The following SUPT7L variants were observed in gnomAD, a reference collection of about 807,000 sequenced individuals.
SUPT7L encodes STAGA complex 65 subunit gamma.
In SUPT7L, 15 loss-of-function variants were observed where a neutral mutation model predicts 35.7. The observed-to-expected ratio is 0.42, with a 90% CI of 0.28 to 0.65. SUPT7L has a LOEUF of 0.65. Ranked by LOEUF, SUPT7L falls within the 30% of genes least tolerant of loss-of-function variation. SUPT7L has a pLI of 0.23. For synonymous variants in SUPT7L, 168 were observed against 186.2 expected, an observed-to-expected ratio of 0.90 and a Z score of 0.79; for missense variants, 434 against 522.2, an observed-to-expected ratio of 0.83 and a Z score of 1.65.
chr2:27,649,097 T>C (rs1025864259), downstream of SUPT7L, among the ~76,000 whole-genome samples: 2 of 151,776 alleles, frequency 1.3e-5, no homozygotes, highest in Non-Finnish European at 2.9e-5. Context: ...TACAAAAAAT[T>C]AGCTGGGCTT....
chr2:27,657,528 A>G lies in SUPT7L; in HGVS notation c.561T>C (p.His187=), dbSNP rs1333022242. The change falls in exon 4 of 6, where the codon CAT becomes CAC. Residue 187 remains histidine (H), a synonymous_variant. Transcript: ENST00000337768. This position sits in a 1 kb window ranked among gnomAD's most constrained non-coding sequence, Gnocchi z 5.2. ...SVLETLTDVA[H]EYCLKFTKLL... is the part of the protein sequence containing the mutation. The stretch of plus-strand genomic sequence containing the variant: ...ACTTGGTAAACTTAAGGCAATACTC[A>G]TGTGCCACATCAGTTAGGGTCTCCA... The G allele has an allele frequency of 2.5e-6, 4 of 1,613,160 alleles. No homozygotes were observed. In the Admixed American group the frequency reaches 6.7e-5, roughly 27 times the overall value.
downstream of SUPT7L, among the ~76,000 whole-genome samples, chr2:27,645,811 C>T (rs1179567651): frequency 5.3e-5 from 8 of 152,042 alleles, no homozygotes; most frequent in Admixed American, 5.2e-4. Flanking sequence ...CTCACTGCAG[C>T]CTCTGCCTCC....
intron 1 of SUPT7L, among the ~76,000 whole-genome samples, chr2:27,662,685 G>T (rs545949194): frequency 2.0e-5 from 3 of 152,200 alleles, no homozygotes; most frequent in Admixed American, 1.3e-4. Flanking sequence ...TTTTCTGCCC[G>T]TCTATTTCTT....
At chr2:27,645,271 C>CT in the SUPT7L span, among the ~76,000 whole-genome samples, 1 of 151,960 alleles carries the variant, frequency 6.6e-6, no homozygotes, top group African/African-American at 2.4e-5. Context: ...ATCCCCAGCC[C>CT]ATTTTTTTTT....
chr2:27,662,331 G>GTTT, intron 1 of SUPT7L, 50 bp from the exon 2 acceptor site: 1 of 971,836 alleles, frequency 1.0e-6, no homozygotes, highest in Non-Finnish European at 1.6e-6. Context: ...ATGAAACATG[G>GTTT]TAAGTACTGT....
chr2:27,644,671 A>G, the SUPT7L span, among the ~76,000 whole-genome samples: 1 of 134,076 alleles, frequency 7.5e-6, no homozygotes, highest in Non-Finnish European at 1.6e-5. Flanking sequence ...TTGTATCTGT[A>G]TGATTTATTT....
the SUPT7L span, among the ~76,000 whole-genome samples, chr2:27,642,954 TATATACACAC>T: frequency 6.4e-5 from 3 of 46,750 alleles, no homozygotes; most frequent in Admixed American, 1.7e-4. Flanking sequence ...TATATATATA[TATATACACAC>T]ACACACACAC....
chr2:27,645,024 G>A, the SUPT7L span, among the ~76,000 whole-genome samples: 1 of 152,028 alleles, frequency 6.6e-6, no homozygotes, highest in African/African-American at 2.4e-5. Flanking sequence ...CTGGAGTGCA[G>A]TGGCGCAATC....
chr2:27,661,371 G>T lies in SUPT7L; in HGVS notation c.32C>A (p.Pro11Gln). The change falls in exon 3 of 6, where the codon CCA becomes CAA. Residue 11 changes from proline to glutamine, a missense_variant. By Grantham distance (76) the Pro-to-Gln change is moderately conservative (BLOSUM62 -1). Transcript: ENST00000337768. MNLQRYWGEI[P>Q]ISSSQTNRSS... The stretch of plus-strand genomic sequence containing the variant: ...TCTGTTGGTCTGGCTTGATGATATT[G>T]GTATCTCTCCCCAGTATCTCAACAT... The T allele has an allele frequency of 1.2e-6, 2 of 1,613,756 alleles. No individual in the cohort carries two copies. Among genetic ancestry groups the T allele is most frequent in the East Asian group, 4.5e-5 (2 of 44,878 alleles).
At chr2:27,662,476 C>T (rs569501482) in intron 1 of SUPT7L, among the ~76,000 whole-genome samples, 195 bp from the exon 2 acceptor site, 1 of 152,188 alleles carries the variant, frequency 6.6e-6, no homozygotes, top group African/African-American at 2.4e-5. Flanking sequence ...TTGACACTTT[C>T]AGCTGTGAAC....
At chr2:27,646,368 T>C (rs1001401184), downstream of SUPT7L, among the ~76,000 whole-genome samples, 5 of 152,240 alleles carry the variant, frequency 3.3e-5, no homozygotes, top group African/African-American at 1.2e-4. Flanking sequence ...TCTAAGTATT[T>C]AACCTTCTTC....
In SUPT7L at chr2:27,653,434, C is replaced by T; in HGVS notation, c.*51G>A. The T allele has an allele frequency of 6.4e-7, 1 of 1,560,354 alleles. No homozygotes were observed. The highest frequency in any genetic ancestry group is 2.3e-5 in the East Asian group (1 of 44,228). On this transcript the variant is annotated 3_prime_UTR_variant, in exon 6 of 6. Coordinates refer to ENST00000337768, the MANE Select transcript of SUPT7L (RefSeq NM_014860.3). Reference sequence around the variant, plus strand: ...AGGAAACAGATTCTAATACAAAAACCTTTTCTGTTGGGTCTAGTAGGTCTG... The same window carrying T: ...AGGAAACAGATTCTAATACAAAAACTTTTTCTGTTGGGTCTAGTAGGTCTG...
chr2:27,647,650 G>A (rs556581300), downstream of SUPT7L, among the ~76,000 whole-genome samples: 8 of 152,326 alleles, frequency 5.3e-5, no homozygotes, highest in South Asian at 1.7e-3. Flanking sequence ...CCTTATGAAA[G>A]CACTTTGTGA....
intron 4 of SUPT7L, among the ~76,000 whole-genome samples, chr2:27,655,916 C>T (rs1052243881): frequency 5.3e-5 from 8 of 151,896 alleles, no homozygotes; most frequent in Non-Finnish European, 1.0e-4. Flanking sequence ...TGGGCACGGT[C>T]ATTCACACCT....
chr2:27,647,372 C>A (rs1336514654), downstream of SUPT7L, among the ~76,000 whole-genome samples: 1 of 152,148 alleles, frequency 6.6e-6, no homozygotes, highest in Non-Finnish European at 1.5e-5. Flanking sequence ...TTAAATAATA[C>A]CCTGGCTCCT....
chr2:27,654,523 TCA>T (rs919786688), intron 5 of SUPT7L, among the ~76,000 whole-genome samples: 27 of 152,270 alleles, frequency 1.8e-4, no homozygotes, highest in Admixed American at 2.6e-4. Flanking sequence ...CCTAAGGTAA[TCA>T]CAGAGTCTGG....
rs769180282 is a variant in SUPT7L, at chr2:27,653,634, C to T, written c.1096G>A (p.Glu366Lys). Residue 366 changes from glutamate (E) to lysine (K), a missense_variant, in exon 6 of 6, where the codon GAG (glutamate) becomes AAG (lysine). Transcript: ENST00000337768. ...GHGVLGSDVFEEPMSGMSEAG... is the reference protein window; with the variant it reads ...GHGVLGSDVFKEPMSGMSEAG... ...TCACTCATGCCTGACATAGGCTCCTCGAAGACATCACTGCCCAGCACACCA... is the reference window on the plus strand; with the variant it reads ...TCACTCATGCCTGACATAGGCTCCTTGAAGACATCACTGCCCAGCACACCA... 4.3e-6 allele frequency: 7 copies of T among 1,614,178 alleles called. No homozygotes were observed. The highest frequency in any genetic ancestry group is 1.3e-5 in the African/African-American group (1 of 75,036).
At chr2:27,663,034 C>A (rs942252870) in intron 1 of SUPT7L, among the ~76,000 whole-genome samples, 1 of 149,308 alleles carries the variant, frequency 6.7e-6, no homozygotes, top group Non-Finnish European at 1.5e-5. Context: ...GCAATCCTCC[C>A]GCCTCAGCCT....
intron 5 of SUPT7L, 128 bp from the exon 6 acceptor site, chr2:27,653,875 TTGGC>T (rs1342226187): frequency 2.5e-6 from 3 of 1,215,658 alleles, no homozygotes; most frequent in Non-Finnish European, 3.4e-6. Context: ...GATTCTGTAC[TTGGC>T]TGGAGAATAT....
Sources: gnomAD v4.1 joint callset for allele counts (sites outside exome capture counted in the v4.1 genomes callset) on GRCh38, gnomAD v4.1.1 for gene constraint, Gnocchi (gnomAD v3.1) non-coding constraint, MANE v1.5 for transcripts, NCBI Gene and HGNC (gene_info 2026-07-23, HGNC 2026-07-21) for gene names.